Variants in PTPRK observed in about 807,000 individuals in gnomAD.
PTPRK encodes the protein protein tyrosine phosphatase receptor type K, also known as receptor-type tyrosine-protein phosphatase kappa.
In PTPRK, 75 loss-of-function variants were observed where a neutral mutation model predicts 178.0. The observed-to-expected ratio is 0.42, with a 90% CI of 0.35 to 0.51. The LOEUF is 0.51. Ranked by LOEUF, PTPRK falls within the 20% of genes least tolerant of loss-of-function variation. PTPRK has a pLI of 0.02. For synonymous variants in PTPRK, 637 were observed against 620.6 expected, an observed-to-expected ratio of 1.03 and a Z score of -0.39; for missense variants, 1,441 against 1,797.8, an observed-to-expected ratio of 0.80 and a Z score of 3.59.
At chr6:128,145,683 C>T (rs910191581) in intron 7 of PTPRK, among the ~76,000 whole-genome samples, 3 of 125,870 alleles carry the variant, frequency 2.4e-5, no homozygotes, top group African/African-American at 7.8e-5. Flanking sequence ...AAAAAGATTA[C>T]TTACTAAAAA....
At chr6:128,175,663 T>A (rs889550209) in intron 7 of PTPRK, among the ~76,000 whole-genome samples, 1 of 151,922 alleles carries the variant, frequency 6.6e-6, no homozygotes, top group African/African-American at 2.4e-5. Flanking sequence ...AAAATAATAG[T>A]GCATTGACAA....
chr6:128,333,626 G>C (rs56332247), intron 2 of PTPRK, among the ~76,000 whole-genome samples: 1 of 152,134 alleles, frequency 6.6e-6, no homozygotes, highest in African/African-American at 2.4e-5. Context: ...AATGTTGAGG[G>C]CCTTGCTCTG....
At chr6:128,430,121 A>T (rs1240620470) in intron 1 of PTPRK, among the ~76,000 whole-genome samples, 1 of 151,344 alleles carries the variant, frequency 6.6e-6, no homozygotes, top group Non-Finnish European at 1.5e-5. Context: ...GAAGAAACTT[A>T]GTCTTGAAAA....
intron 1 of PTPRK, among the ~76,000 whole-genome samples, chr6:128,453,003 G>T (rs1026459635): frequency 6.6e-6 from 1 of 152,124 alleles, no homozygotes; most frequent in Non-Finnish European, 1.5e-5. Context: ...TATTTCCTCA[G>T]AGTTAATAAC....
chr6:128,242,081 G>C (rs185084777), intron 4 of PTPRK, among the ~76,000 whole-genome samples: 1 of 151,690 alleles, frequency 6.6e-6, no homozygotes, highest in South Asian at 2.1e-4. Context: ...CCTAAATTTG[G>C]AATAAGGTGA....
At chr6:128,383,096 A>C (rs1395456691) in intron 2 of PTPRK, among the ~76,000 whole-genome samples, 2 of 152,196 alleles carry the variant, frequency 1.3e-5, no homozygotes, top group Non-Finnish European at 2.9e-5. Flanking sequence ...AATAGTCACC[A>C]CTGCTAAGCT....
chr6:128,054,549 T>C (rs1365976433), intron 13 of PTPRK, among the ~76,000 whole-genome samples: 1 of 152,178 alleles, frequency 6.6e-6, no homozygotes, highest in Admixed American at 6.5e-5. Flanking sequence ...CAAATCCTAA[T>C]AGCCAATAAA....
chr6:128,335,030 C>T (rs1167307204), intron 2 of PTPRK, among the ~76,000 whole-genome samples: 1 of 152,134 alleles, frequency 6.6e-6, no homozygotes, highest in Non-Finnish European at 1.5e-5. Context: ...GAAGTTTGCA[C>T]TGAGCCAAAG....
At chr6:128,206,010 T>C (rs1806892534) in intron 6 of PTPRK, among the ~76,000 whole-genome samples, 1 of 151,760 alleles carries the variant, frequency 6.6e-6, no homozygotes, top group South Asian at 2.1e-4. Context: ...TGGACCCTCA[T>C]GGAAAGAGGC....
chr6:128,464,630 TATATACAC>T lies in PTPRK; in HGVS notation c.100+55621_100+55628del, dbSNP rs1399521271. 4.5e-3 allele frequency among the ~76,000 whole-genome samples: 246 copies of T among 55,008 alleles called. 6 individuals carry two copies. Among genetic ancestry groups the T allele is most frequent in the African/African-American group, 0.027 (229 of 8,610 alleles). The allele number at this position is 55,008 out of a possible 152,430, so 36.1% of individuals were successfully genotyped here. On this transcript the variant is annotated intron_variant, in intron 1 of 29. Transcript: ENST00000368226. ...ATATATATACATATACATATATATA[TATATACAC>T]ATATATATATATATATATATATATA...
At chr6:128,242,046 T>C (rs1356042525) in intron 4 of PTPRK, among the ~76,000 whole-genome samples, 2 of 151,618 alleles carry the variant, frequency 1.3e-5, no homozygotes, top group African/African-American at 4.9e-5. Context: ...AGACATTTAT[T>C]ATGACAGAGG....
At chr6:128,223,704 G>T (rs186127266) in intron 5 of PTPRK, among the ~76,000 whole-genome samples, 1 of 152,152 alleles carries the variant, frequency 6.6e-6, no homozygotes, top group Admixed American at 6.5e-5. Context: ...AGCTGTTACT[G>T]GTTCTGTGGC....
At chr6:128,158,155 C>G (rs1172156218) in intron 7 of PTPRK, among the ~76,000 whole-genome samples, 1 of 151,632 alleles carries the variant, frequency 6.6e-6, no homozygotes, top group Non-Finnish European at 1.5e-5. Flanking sequence ...TTCTACATCA[C>G]AAGGACAGAA....
At chr6:127,995,807 T>C (rs916869376) in intron 17 of PTPRK, among the ~76,000 whole-genome samples, 6 of 152,124 alleles carry the variant, frequency 3.9e-5, no homozygotes, top group African/African-American at 1.2e-4. Flanking sequence ...ATTTGAGTCA[T>C]AGAATTGTCT....
At chr6:128,387,045 G>T (rs918101613) in intron 2 of PTPRK, among the ~76,000 whole-genome samples, 2 of 152,156 alleles carry the variant, frequency 1.3e-5, no homozygotes, top group African/African-American at 4.8e-5. Context: ...TCCAGCCTGG[G>T]TGACACAGCG....
chr6:128,247,096 G>A (rs1040875126), intron 3 of PTPRK, among the ~76,000 whole-genome samples: 15 of 152,052 alleles, frequency 9.9e-5, no homozygotes, highest in African/African-American at 3.4e-4. Flanking sequence ...TTTAACTCGG[G>A]TCTCTGTAGT....
chr6:128,213,308 A>T (rs978047292), intron 6 of PTPRK, among the ~76,000 whole-genome samples: 1 of 152,038 alleles, frequency 6.6e-6, no homozygotes, highest in Non-Finnish European at 1.5e-5. Context: ...TTCTTTTATC[A>T]TACTCAAGGG....
chr6:128,491,833 G>A (rs534547509), intron 1 of PTPRK: 5 of 515,590 alleles, frequency 9.7e-6, no homozygotes, highest in Non-Finnish European at 1.9e-5. Context: ...AAAAGTTACC[G>A]ACCACAAGCA....
At chr6:128,377,902 C>G (rs541157344) in intron 2 of PTPRK, among the ~76,000 whole-genome samples, 7 of 152,098 alleles carry the variant, frequency 4.6e-5, no homozygotes, top group Non-Finnish European at 1.0e-4. Context: ...ATAAATTAGG[C>G]TGAATTTTAA....
Sources: allele counts gnomAD v4.1 joint callset (sites outside exome capture counted in the v4.1 genomes callset), GRCh38; gene constraint gnomAD v4.1.1; transcripts MANE v1.5; gene names NCBI Gene and HGNC (gene_info 2026-07-23, HGNC 2026-07-21).